GADL1: variants seen among roughly 807,000 people sequenced by gnomAD.
The protein encoded by GADL1 is acidic amino acid decarboxylase GADL1.
In GADL1, 71 loss-of-function variants were observed where a neutral mutation model predicts 69.5. The observed-to-expected ratio is 1.02, with a 90% CI of 0.84 to 1.25. The LOEUF (loss-of-function observed/expected upper bound fraction) is 1.25. Among genes scored for constraint, GADL1 ranks in the 50% most tolerant of loss-of-function variants. The pLI is 0.00. For missense variants in GADL1, 737 were observed against 631.8 expected, an observed-to-expected ratio of 1.17 and a Z score of -1.79; for synonymous variants, 254 against 214.4, an observed-to-expected ratio of 1.18 and a Z score of -1.62.
chr3:30,873,747 A>G, intron 1 of GADL1, among the ~76,000 whole-genome samples: 1 of 151,924 alleles, frequency 6.6e-6, no homozygotes, highest in Non-Finnish European at 1.5e-5. Flanking sequence ...CATTTGCATC[A>G]TCTGTTGATT....
chr3:30,757,803 A>C (rs999462373), intron 14 of GADL1, among the ~76,000 whole-genome samples: 1 of 152,118 alleles, frequency 6.6e-6, no homozygotes, highest in African/African-American at 2.4e-5. Flanking sequence ...TCTGGATCCC[A>C]AGACTTCCCT....
At chr3:30,855,834 GT>G (rs1215111676) in intron 3 of GADL1, among the ~76,000 whole-genome samples, 265 of 136,336 alleles carry the variant, frequency 1.9e-3, no homozygotes, top group African/African-American at 5.5e-3. Flanking sequence ...GTTTATTTTA[GT>G]TTTTTTTTTC....
Position 30,728,169 on chromosome 3 carries a change from T to C in GADL1, c.*73A>G. On this transcript the variant is annotated 3_prime_UTR_variant, in exon 15 of 15. Coordinates refer to ENST00000282538, the MANE Select transcript of GADL1 (RefSeq NM_207359.3). ...TCATCAGAAGGGCTGCAATCTACTG[T>C]GTATCTCCAAGATGTTCTGGATCTA... The C allele has an allele frequency of 1.5e-6, 2 of 1,334,960 alleles. No homozygotes were observed. Among genetic ancestry groups the C allele is most frequent in the Non-Finnish European group, 2.1e-6 (2 of 937,312 alleles). The allele number at this position is 1,334,960 out of a possible 1,614,324, so 82.7% of individuals were successfully genotyped here. A position where few individuals can be genotyped will look rare whatever the true frequency, so the allele number is the denominator to read the frequency against.
At chr3:30,877,228 C>T (rs886080599) in intron 1 of GADL1, among the ~76,000 whole-genome samples, 2 of 151,858 alleles carry the variant, frequency 1.3e-5, no homozygotes, top group Non-Finnish European at 2.9e-5. Context: ...TGTAACATCT[C>T]TTCTCTTTCC....
At chr3:30,888,110 ATT>A (rs924094530) in intron 1 of GADL1, among the ~76,000 whole-genome samples, 1 of 152,044 alleles carries the variant, frequency 6.6e-6, no homozygotes, top group African/African-American at 2.4e-5. Flanking sequence ...TTTTTGCGTT[ATT>A]TTTTGTTTTT....
At chr3:30,880,742 C>T (rs371358593) in intron 1 of GADL1, among the ~76,000 whole-genome samples, 1 of 151,838 alleles carries the variant, frequency 6.6e-6, no homozygotes, top group Non-Finnish European at 1.5e-5. Context: ...GTCCTGGAAC[C>T]AATTCCCTGC....
intron 12 of GADL1, among the ~76,000 whole-genome samples, chr3:30,794,728 C>G (rs1019383605): frequency 1.3e-5 from 2 of 152,108 alleles, no homozygotes; most frequent in African/African-American, 4.8e-5. Flanking sequence ...TTCTGACAAC[C>G]CATAAAATTG....
chr3:30,863,065 ACTCACACACT>A (rs1698345103), intron 1 of GADL1, among the ~76,000 whole-genome samples: 2 of 150,916 alleles, frequency 1.3e-5, no homozygotes, highest in Non-Finnish European at 3.0e-5. Flanking sequence ...TCTCTCTCAC[ACTCACACACT>A]CACTCTCTCT....
At chr3:30,832,662 C>T (rs990468831) in intron 11 of GADL1, among the ~76,000 whole-genome samples, 1 of 151,970 alleles carries the variant, frequency 6.6e-6, no homozygotes, top group African/African-American at 2.4e-5. Flanking sequence ...GGGTTTATTC[C>T]TATCTCTGTC....
At chr3:30,789,117 C>T (rs187988859) in intron 12 of GADL1, among the ~76,000 whole-genome samples, 128 of 152,278 alleles carry the variant, frequency 8.4e-4, no homozygotes, top group African/African-American at 2.6e-3. Flanking sequence ...ACTGATATCA[C>T]GGCTATAGCC....
At chr3:30,855,619 C>T (rs192722124) in intron 3 of GADL1, among the ~76,000 whole-genome samples, 151 of 152,098 alleles carry the variant, frequency 9.9e-4, no homozygotes, top group Non-Finnish European at 1.9e-3. Flanking sequence ...TTTTTCCCCC[C>T]TCCTATAAAA....
chr3:30,883,885 T>C (rs1698673543), intron 1 of GADL1, among the ~76,000 whole-genome samples: 1 of 152,042 alleles, frequency 6.6e-6, no homozygotes, highest in Non-Finnish European at 1.5e-5. Context: ...CTATTTTTTA[T>C]GCTATTGTAA....
intron 4 of GADL1, among the ~76,000 whole-genome samples, chr3:30,852,839 G>A (rs533830232): frequency 3.3e-5 from 5 of 152,170 alleles, no homozygotes; most frequent in Admixed American, 1.3e-4. Context: ...TAGATGAAGA[G>A]TTAGAAAACC....
At chr3:30,789,266 C>CT (rs535900104) in intron 12 of GADL1, among the ~76,000 whole-genome samples, 257 of 152,304 alleles carry the variant, frequency 1.7e-3, no homozygotes, top group Middle Eastern at 3.4e-3. Context: ...TCTTGAGTTA[C>CT]TAGGTGCGTT....
rs536834514 is a variant in GADL1 at position 30,763,581 on chromosome 3, C to T, written c.1392+14598G>A. Among the ~76,000 whole-genome samples, 4 of 151,926 alleles carry T rather than the reference C, an allele frequency of 2.6e-5. No individual in the cohort carries two copies. In the East Asian group the frequency reaches 5.8e-4, roughly 22 times the overall value. On this transcript the variant is annotated intron_variant, in intron 14 of 14. Transcript: ENST00000282538. ...AACCTACCAAATATCACCACTTAGC[C>T]AAATCTACCTTAAATATGCTCAGAC...
rs186783807 is a variant in GADL1 at position 30,861,974 on chromosome 3, T to C, written c.38-209A>G. On this transcript the variant is annotated intron_variant, in intron 1 of 14. Coordinates refer to ENST00000282538, the MANE Select transcript of GADL1 (RefSeq NM_207359.3). ...TTTTACAAAGAAAGCTCACAATTTATGGATTAAGTAAATCTACCTTATTAT... is the reference window on the plus strand; with the variant it reads ...TTTTACAAAGAAAGCTCACAATTTACGGATTAAGTAAATCTACCTTATTAT... Among the ~76,000 whole-genome samples the C allele has an allele frequency of 9.3e-4, 141 of 152,086 alleles. 1 individual carries two copies. The highest frequency in any genetic ancestry group is 3.1e-3 in the African/African-American group (130 of 41,530).
At chr3:30,823,003 G>A (rs201073144) in intron 11 of GADL1, among the ~76,000 whole-genome samples, 16 of 152,002 alleles carry the variant, frequency 1.1e-4, no homozygotes, top group East Asian at 7.8e-4. Context: ...AATTCAGAAC[G>A]TGGCACATAT....
chr3:30,843,293 T>C (rs1697999773), intron 8 of GADL1, among the ~76,000 whole-genome samples: 1 of 150,664 alleles, frequency 6.6e-6, no homozygotes, highest in African/African-American at 2.4e-5. Flanking sequence ...TCTTACTCTG[T>C]CTCTCAGGCT....
At chr3:30,777,302 G>A (rs1349131414) in intron 14 of GADL1, among the ~76,000 whole-genome samples, 4 of 152,078 alleles carry the variant, frequency 2.6e-5, no homozygotes, top group Non-Finnish European at 1.5e-5. Context: ...TTGCAAGTCA[G>A]AGCTTTTACT....
Sources: allele counts gnomAD v4.1 joint callset (sites outside exome capture counted in the v4.1 genomes callset), GRCh38; gene constraint gnomAD v4.1.1; transcripts MANE v1.5; gene names NCBI Gene and HGNC (gene_info 2026-07-23, HGNC 2026-07-21).